Variants in SCAPER observed in about 807,000 individuals in gnomAD.
SCAPER encodes S phase cyclin A-associated protein in the endoplasmic reticulum.
SCAPER carries 98 observed loss-of-function variants against 182.2 expected under a neutral mutation model. The observed-to-expected ratio is 0.54, with a 90% CI of 0.46 to 0.64. The LOEUF (loss-of-function observed/expected upper bound fraction) is 0.64. SCAPER is among the 30% of genes least tolerant of loss of function. The pLI, the probability that SCAPER is intolerant of heterozygous loss-of-function variation, is 0.00. For synonymous variants in SCAPER, 605 were observed against 564.6 expected, an observed-to-expected ratio of 1.07 and a Z score of -1.01; for missense variants, 1,432 against 1,690.0, an observed-to-expected ratio of 0.85 and a Z score of 2.68.
chr15:76,525,476 T>C (rs2144400537), intron 23 of SCAPER, among the ~76,000 whole-genome samples: 1 of 152,226 alleles, frequency 6.6e-6, no homozygotes, highest in Middle Eastern at 3.4e-3. Flanking sequence ...ATCACCCAGG[T>C]AGTGAGCACA....
chr15:76,832,202 T>C (rs1199079957), intron 5 of SCAPER, among the ~76,000 whole-genome samples: 2 of 152,076 alleles, frequency 1.3e-5, no homozygotes, highest in African/African-American at 2.4e-5. Context: ...CCAGAAGACA[T>C]AGGAGAAGGC....
chr15:76,392,348 A>AGG (rs1326006604), intron 27 of SCAPER, among the ~76,000 whole-genome samples: 2 of 152,246 alleles, frequency 1.3e-5, no homozygotes, highest in Non-Finnish European at 2.9e-5. Flanking sequence ...TAAGAGTGAC[A>AGG]GATGTTAGCC....
At chr15:76,704,533 C>T (rs960192536) in intron 18 of SCAPER, among the ~76,000 whole-genome samples, 5 of 152,152 alleles carry the variant, frequency 3.3e-5, no homozygotes, top group Admixed American at 3.3e-4. Flanking sequence ...TTTCAGCTTT[C>T]TACATATGTC....
intron 5 of SCAPER, among the ~76,000 whole-genome samples, chr15:76,827,777 G>T (rs886109134): frequency 2.6e-5 from 4 of 152,100 alleles, no homozygotes; most frequent in Admixed American, 2.0e-4. Context: ...AAATCAGGAA[G>T]AAATAGTTGA....
intron 24 of SCAPER, among the ~76,000 whole-genome samples, chr15:76,479,708 T>C (rs1393203503): frequency 1.3e-5 from 2 of 152,158 alleles, no homozygotes; most frequent in South Asian, 4.1e-4. Context: ...TGTGGGAAGG[T>C]TTAATAATAT....
At chr15:76,375,669 T>C (rs961483566) in intron 29 of SCAPER, among the ~76,000 whole-genome samples, 11 of 152,226 alleles carry the variant, frequency 7.2e-5, no homozygotes, top group African/African-American at 2.7e-4. Context: ...GCCCTAGGGC[T>C]AATCTAGTTC....
chr15:76,433,858 T>C (rs2047020845), intron 26 of SCAPER, among the ~76,000 whole-genome samples: 1 of 152,198 alleles, frequency 6.6e-6, no homozygotes, highest in African/African-American at 2.4e-5. Flanking sequence ...TGTCTGCTGC[T>C]GCAAAAGAGC....
intron 24 of SCAPER, among the ~76,000 whole-genome samples, chr15:76,473,609 A>G (rs1205362637): frequency 6.6e-6 from 1 of 152,152 alleles, no homozygotes; most frequent in Non-Finnish European, 1.5e-5. Context: ...TTCACAGACC[A>G]GCAGTATTGG....
At chr15:76,420,610 T>C (rs2045961619) in intron 26 of SCAPER, among the ~76,000 whole-genome samples, 1 of 152,176 alleles carries the variant, frequency 6.6e-6, no homozygotes, top group African/African-American at 2.4e-5. Context: ...TCTACGTTGT[T>C]AACTATAAGA....
intron 22 of SCAPER, among the ~76,000 whole-genome samples, chr15:76,581,240 A>G (rs1453874534): frequency 6.6e-6 from 1 of 152,230 alleles, no homozygotes; most frequent in Non-Finnish European, 1.5e-5. Flanking sequence ...TAAAGAAGTA[A>G]TATCAATCTT....
intron 26 of SCAPER, among the ~76,000 whole-genome samples, chr15:76,433,700 TTTTC>T (rs1205106662): frequency 6.6e-6 from 1 of 152,216 alleles, no homozygotes; most frequent in Non-Finnish European, 1.5e-5. Flanking sequence ...CAAGAGAGAA[TTTTC>T]TTTCTCTCTA....
chr15:76,806,512 C>T (rs375877908), intron 5 of SCAPER, among the ~76,000 whole-genome samples: 2 of 152,126 alleles, frequency 1.3e-5, no homozygotes, highest in African/African-American at 2.4e-5. Flanking sequence ...ATTGTCTTGG[C>T]TATTCTACAT....
At chr15:76,729,655 A>C (rs753579379) in intron 16 of SCAPER, among the ~76,000 whole-genome samples, 5 of 152,152 alleles carry the variant, frequency 3.3e-5, no homozygotes, top group Non-Finnish European at 7.4e-5. Flanking sequence ...CTACTTAGTT[A>C]CATTCTCTGT....
At chr15:76,515,881 GA>G (rs1267584792) in intron 23 of SCAPER, among the ~76,000 whole-genome samples, 4 of 152,176 alleles carry the variant, frequency 2.6e-5, no homozygotes, top group Non-Finnish European at 5.9e-5. Context: ...CCCTTAAGAG[GA>G]GAGACAGCCC....
intron 25 of SCAPER, among the ~76,000 whole-genome samples, chr15:76,456,557 G>C (rs1187105334): frequency 2.0e-5 from 3 of 152,124 alleles, no homozygotes; most frequent in African/African-American, 7.2e-5. Context: ...AAGAATGTGT[G>C]TATTCTACAG....
intron 21 of SCAPER, among the ~76,000 whole-genome samples, chr15:76,645,927 T>G (rs1423611003): frequency 6.6e-6 from 1 of 152,168 alleles, no homozygotes; most frequent in African/African-American, 2.4e-5. Context: ...CCTGTAATAT[T>G]TGTTAAAACT....
In SCAPER at chr15:76,422,944, C is replaced by T. The variant is rs572240042; in HGVS notation, c.3311+11134G>A. Reference sequence around the variant, plus strand: ...CATTTATTGATTTGCATATGTTGAACCAGCCTTGCATCCCAGGGATGAAGC... The same window carrying T: ...CATTTATTGATTTGCATATGTTGAATCAGCCTTGCATCCCAGGGATGAAGC... On this transcript the variant is annotated intron_variant, in intron 26 of 31. Transcript: ENST00000563290. Among the ~76,000 whole-genome samples, 4 of 152,262 alleles carry T rather than the reference C, an allele frequency of 2.6e-5. No individual in the cohort carries two copies. In the East Asian group the frequency reaches 7.7e-4, roughly 29 times the overall value.
intron 28 of SCAPER, chr15:76,379,944 C>T (rs1383454776): frequency 1.3e-5 from 2 of 152,074 alleles, no homozygotes; most frequent in African/African-American, 4.8e-5. Flanking sequence ...GATATGGAGT[C>T]CCCTGTAGCA....
chr15:76,353,196 T>C (rs753617335), intron 30 of SCAPER, among the ~76,000 whole-genome samples: 2 of 152,242 alleles, frequency 1.3e-5, no homozygotes, highest in Admixed American at 1.3e-4. Flanking sequence ...TGTTTCATTA[T>C]TCTGAAGACC....
Sources: allele counts gnomAD v4.1 joint callset (sites outside exome capture counted in the v4.1 genomes callset), GRCh38; gene constraint gnomAD v4.1.1; transcripts MANE v1.5; gene names NCBI Gene and HGNC (gene_info 2026-07-23, HGNC 2026-07-21).